PDXK: variants seen among roughly 807,000 people sequenced by gnomAD.
The protein encoded by PDXK is pyridoxal kinase.
PDXK carries 15 observed loss-of-function variants against 43.2 expected under a neutral mutation model. That is an observed-to-expected ratio of 0.35 (90% CI 0.23 to 0.53). The LOEUF is 0.53. PDXK is among the 20% of genes least tolerant of loss of function. PDXK has a pLI of 0.92. For synonymous variants in PDXK, 172 were observed against 165.4 expected (o/e 1.04, Z -0.31); for missense variants, 343 against 417.0 (o/e 0.82, Z 1.54).
rs115431661 is a variant in PDXK, at chr21:43,747,899, C to T, written c.379-1096C>T. The stretch of plus-strand genomic sequence containing the variant: ...AATGGGGCTCTAAAGAGCTTTCCTT[C>T]GATTTCCTGGTCCAGGGATCGGGGA... On this transcript the variant is annotated intron_variant, in intron 5 of 10. Transcript: ENST00000291565. Among the ~76,000 whole-genome samples, 283 of 152,304 alleles carry T rather than the reference C, an allele frequency of 1.9e-3. 1 individual carries two copies. Among genetic ancestry groups the T allele is most frequent in the African/African-American group, 6.5e-3 (271 of 41,566 alleles).
rs751534961 is a variant in PDXK, at chr21:43,755,978, G to T, written c.854G>T (p.Ser285Ile). The T allele has an allele frequency of 1.1e-5, 17 of 1,612,602 alleles. No homozygotes were observed. Residue 285 changes from serine to isoleucine, a missense_variant, in exon 11 of 11, where the codon AGC becomes ATC. Transcript: ENST00000291565. ...CAGGCCGGGGAAGGAGTGAGGCCCA[G>T]CCCCATGCAGCTGGAGCTGCGGATG... ...KAQAGEGVRP[S>I]PMQLELRMVQ...
intron 2 of PDXK, chr21:43,738,177 G>A (rs1159195195): frequency 1.6e-5 from 6 of 366,762 alleles, no homozygotes; most frequent in East Asian, 1.7e-4. Context: ...GGTTAAAAGA[G>A]GCCATCAGGG....
At chr21:43,719,639 T>TG in intron 1 of PDXK, 2 of 985,326 alleles carry the variant, frequency 2.0e-6, no homozygotes, top group Non-Finnish European at 2.4e-6. Flanking sequence ...GAGGGAGCCC[T>TG]GTGCACCAGC....
In PDXK at chr21:43,753,713, C is replaced by T. The variant is rs780854378; in HGVS notation, c.753C>T (p.Asn251=). The T allele has an allele frequency of 1.2e-6, 2 of 1,611,502 alleles. No homozygotes were observed. Among genetic ancestry groups the T allele is most frequent in the Non-Finnish European group, 1.7e-6 (2 of 1,178,488 alleles). ...LLAWTHKHPN[N]LKVACEKTVS... is the part of the protein sequence containing the mutation. ...CGTGGACACACAAGCACCCCAATAACCTCAAGGTCAGCCACACGCACCGCT... is the reference window on the plus strand; with the variant it reads ...CGTGGACACACAAGCACCCCAATAATCTCAAGGTCAGCCACACGCACCGCT... The change falls in exon 9 of 11, where the codon AAC becomes AAT. Residue 251 remains asparagine (N), a synonymous_variant. Transcript: ENST00000291565.
Position 43,737,407 on chromosome 21 carries a change from T to G in PDXK, c.142+3284T>G, listed in dbSNP as rs547545321. On this transcript the variant is annotated intron_variant, in intron 2 of 10. Coordinates refer to ENST00000291565, the MANE Select transcript of PDXK (RefSeq NM_003681.5). The surrounding 1 kb of genome is among the most constrained non-coding windows in gnomAD (Gnocchi z 4.8). ...ACCGTGAGCTGGGCTTGGCAGAGCC[T>G]CCACCTTGTGGCCAGTATTCCCAGT... 8.7e-7 allele frequency: 1 copy of G among 1,148,800 alleles called. No individual in the cohort carries two copies. The highest frequency in any genetic ancestry group is 2.2e-5 in the South Asian group (1 of 45,774). The allele number at this position is 1,148,800 out of a possible 1,614,324, so 71.2% of individuals were successfully genotyped here.
At chr21:43,719,539 C>T (rs762428413) in intron 1 of PDXK, 158 bp downstream of exon 1, 230 of 955,700 alleles carry the variant, frequency 2.4e-4, no homozygotes, top group Non-Finnish European at 2.8e-4. Flanking sequence ...GCCTCCCGCT[C>T]TGCTTGGCTT....
At chr21:43,724,955 T>C (rs2083239297) in intron 1 of PDXK, among the ~76,000 whole-genome samples, 1 of 150,344 alleles carries the variant, frequency 6.7e-6, no homozygotes. Flanking sequence ...AAAAAAAAAA[T>C]CCCCTGCTCT....
rs1243218692 is a variant in PDXK at position 43,758,151 on chromosome 21, G to A, written c.*2088G>A. Reference sequence around the variant, plus strand: ...GGTGTTACGGGCGGTGTGCCCTGGCGAGCAAGCTTTGATTCTTGGTTCTTT... The same window carrying A: ...GGTGTTACGGGCGGTGTGCCCTGGCAAGCAAGCTTTGATTCTTGGTTCTTT... On this transcript the variant is annotated 3_prime_UTR_variant, in exon 11 of 11. Transcript: ENST00000291565. The A allele has an allele frequency of 6.5e-6, 1 of 153,738 alleles. No homozygotes were observed. Among genetic ancestry groups the A allele is most frequent in the East Asian group, 1.9e-4 (1 of 5,194 alleles). The allele number at this position is 153,738 out of a possible 1,614,324, so 9.5% of individuals were successfully genotyped here. A position where few individuals can be genotyped will look rare whatever the true frequency, so the allele number is the denominator to read the frequency against.
intron 2 of PDXK, among the ~76,000 whole-genome samples, chr21:43,739,670 C>T (rs2083460440): frequency 6.6e-6 from 1 of 151,708 alleles, no homozygotes; most frequent in Admixed American, 6.6e-5. Flanking sequence ...GAACCACCCC[C>T]ATGATTGAAT....
chr21:43,741,672 G>A lies in PDXK; in HGVS notation c.148G>A (p.Ala50Thr), dbSNP rs543304336. 4 of 1,612,224 alleles carry A rather than the reference G, an allele frequency of 2.5e-6. No individual in the cohort carries two copies. The highest frequency in any genetic ancestry group is 1.7e-4 in the Middle Eastern group (1 of 6,052). ...SVQFSNHTGY[A>T]HWKGQVLNSD... ...ATGGCTTCCTCTGCCTCTAGGCTAT[G>A]CCCACTGGAAGGGCCAAGTGCTGAA... The change falls in exon 3 of 11, where the codon GCC (alanine) becomes ACC (threonine). Residue 50 changes from alanine (A) to threonine (T), a missense_variant. Physicochemically the swap from Ala to Thr is moderately conservative, Grantham distance 58. Coordinates refer to ENST00000291565, the MANE Select transcript of PDXK (RefSeq NM_003681.5).
At position 43,753,570 on chromosome 21, in the gene PDXK, C is replaced by T; in HGVS notation, c.623-13C>T. 2 of 1,604,070 alleles carry T rather than the reference C, an allele frequency of 1.2e-6. No individual in the cohort carries two copies. The highest frequency in any genetic ancestry group is 1.7e-6 in the Non-Finnish European group (2 of 1,173,214). On this transcript the variant is annotated splice_polypyrimidine_tract_variant and intron_variant, in intron 8 of 10. Coordinates refer to ENST00000291565, the MANE Select transcript of PDXK (RefSeq NM_003681.5). Reference sequence around the variant, plus strand: ...GGCAGATCTCAGTGACCTTGCCCATCTTCTCCCCCTAGGGAATCCCGCTGG... The same window carrying T: ...GGCAGATCTCAGTGACCTTGCCCATTTTCTCCCCCTAGGGAATCCCGCTGG...
Position 43,732,372 on chromosome 21 carries a change from A to T in PDXK, c.88-1697A>T, listed in dbSNP as rs184829439. 6.2e-6 allele frequency: 10 copies of T among 1,611,308 alleles called. No homozygotes were observed. The highest frequency in any genetic ancestry group is 1.7e-4 in the Middle Eastern group (1 of 6,054). ...GAGTCTGGCTTTGTCTGGCACATGA[A>T]GTTGGATGGGTAGACTCTGGAAGCG... On this transcript the variant is annotated intron_variant, in intron 1 of 10. Coordinates refer to ENST00000291565, the MANE Select transcript of PDXK (RefSeq NM_003681.5). The surrounding 1 kb of genome is among the most constrained non-coding windows in gnomAD (Gnocchi z 4.1).
rs960584514 is a variant in PDXK at position 43,757,497 on chromosome 21, C to T, written c.*1434C>T. On this transcript the variant is annotated 3_prime_UTR_variant, in exon 11 of 11. Coordinates refer to ENST00000291565, the MANE Select transcript of PDXK (RefSeq NM_003681.5). Reference sequence around the variant, plus strand: ...CCACGGACGGGCCCCTCCTGGAGCCCATACCCTCCTGTGAGGCCATTCCAG... The same window carrying T: ...CCACGGACGGGCCCCTCCTGGAGCCTATACCCTCCTGTGAGGCCATTCCAG... 4.6e-5 allele frequency: 7 copies of T among 152,256 alleles called. No homozygotes were observed. Among genetic ancestry groups the T allele is most frequent in the Non-Finnish European group, 1.0e-4 (7 of 68,058 alleles). The allele number at this position is 152,256 out of a possible 1,614,324, so 9.4% of individuals were successfully genotyped here.
chr21:43,723,859 G>A lies in PDXK; in HGVS notation c.87+4478G>A, dbSNP rs572680436. 70 of 152,386 alleles carry A rather than the reference G, an allele frequency of 4.6e-4. No individual in the cohort carries two copies. Among genetic ancestry groups the A allele is most frequent in the African/African-American group, 1.7e-3 (69 of 41,566 alleles). The allele number at this position is 152,386 out of a possible 1,614,324, so 9.4% of individuals were successfully genotyped here. The stretch of plus-strand genomic sequence containing the variant: ...GCTGGGTGCCAGGCACTGCCGCCTG[G>A]GACACATGTGACCTCCGTGCTGCAG... On this transcript the variant is annotated intron_variant, in intron 1 of 10. Coordinates refer to ENST00000291565, the MANE Select transcript of PDXK (RefSeq NM_003681.5). The surrounding 1 kb of genome is among the most constrained non-coding windows in gnomAD (Gnocchi z 4.1).
intron 1 of PDXK, among the ~76,000 whole-genome samples, chr21:43,729,677 G>C (rs143103743): frequency 3.2e-4 from 49 of 152,308 alleles, no homozygotes; most frequent in African/African-American, 1.1e-3. Context: ...GATGGCTCAC[G>C]CCTTGTTATT....
intron 2 of PDXK, among the ~76,000 whole-genome samples, chr21:43,736,647 T>G (rs1404708177): frequency 1.8e-4 from 25 of 141,326 alleles, no homozygotes; most frequent in Admixed American, 4.1e-4. Context: ...TTTTTTTTTT[T>G]TGTGAGACAA....
intron 6 of PDXK, 143 bp from the exon 7 acceptor site, chr21:43,750,357 C>A: frequency 1.4e-6 from 1 of 694,914 alleles, no homozygotes; most frequent in Non-Finnish European, 2.5e-6. Flanking sequence ...GGGGCCCCGG[C>A]CCAGGGTGGC....
In PDXK at chr21:43,735,986, G is replaced by A. The variant is rs557931743; in HGVS notation, c.142+1863G>A. 5.3e-5 allele frequency among the ~76,000 whole-genome samples: 8 copies of A among 152,266 alleles called. No individual in the cohort carries two copies. Among genetic ancestry groups the A allele is most frequent in the African/African-American group, 1.4e-4 (6 of 41,578 alleles). ...AGCTGGTGGTCAAGACGGGGGACTC[G>A]GCCTCCTCCGTGCAGCCCCTCAGCC... is the stretch of plus-strand genomic sequence containing the variant. On this transcript the variant is annotated intron_variant, in intron 2 of 10. Transcript: ENST00000291565. The surrounding 1 kb of genome is among the most constrained non-coding windows in gnomAD (Gnocchi z 5.3).
At chr21:43,742,877 A>G (rs1180091317) in intron 3 of PDXK, among the ~76,000 whole-genome samples, 2 of 152,152 alleles carry the variant, frequency 1.3e-5, no homozygotes, top group Non-Finnish European at 2.9e-5. Context: ...CAAAATAAAT[A>G]AGATTAAAGT....
Sources: allele counts gnomAD v4.1 joint callset (sites outside exome capture counted in the v4.1 genomes callset), GRCh38; gene constraint gnomAD v4.1.1; non-coding constraint Gnocchi (gnomAD v3.1); transcripts MANE v1.5; gene names NCBI Gene and HGNC (gene_info 2026-07-23, HGNC 2026-07-21).